PTPN4: variants seen among roughly 807,000 people sequenced by gnomAD.
The protein encoded by PTPN4 is tyrosine-protein phosphatase non-receptor type 4.
In PTPN4, 49 loss-of-function variants were observed where a neutral mutation model predicts 135.5. The ratio of observed to expected loss-of-function variants is 0.36; its 90% CI spans 0.29 to 0.46. The LOEUF is 0.46. PTPN4 is among the 20% of genes least tolerant of loss of function. The pLI, the probability that PTPN4 is intolerant of heterozygous loss-of-function variation, is 1.00. For missense variants in PTPN4, 860 were observed against 1,101.0 expected (o/e 0.78, Z 3.10); for synonymous variants, 333 against 369.9 (o/e 0.90, Z 1.14).
Position 119,885,976 on chromosome 2 carries a change from T to C in PTPN4, c.675+94T>C, listed in dbSNP as rs1678150230. 6 of 813,198 alleles carry C rather than the reference T, an allele frequency of 7.4e-6. No homozygotes were observed. The South Asian group carries it at 1.0e-4, about 14-fold the overall frequency. The allele number at this position is 813,198 out of a possible 1,614,324, so 50.4% of individuals were successfully genotyped here. The stretch of plus-strand genomic sequence containing the variant: ...ATTAGATAACAAATGGAATAAGTTA[T>C]GATTGCTGCTGACACAGCTGCACTG... On this transcript the variant is annotated intron_variant, in intron 9 of 26. Transcript: ENST00000263708.
intron 14 of PTPN4, among the ~76,000 whole-genome samples, chr2:119,933,988 C>G (rs1321942016): frequency 2.0e-5 from 3 of 152,142 alleles, no homozygotes. Context: ...CAACACTAAA[C>G]AATAATAGCA....
intron 2 of PTPN4, among the ~76,000 whole-genome samples, chr2:119,845,228 C>G (rs1246069298): frequency 2.5e-5 from 1 of 39,348 alleles, no homozygotes. Flanking sequence ...AGAGGGAGAC[C>G]GTGGGGAGAG....
At chr2:119,938,320 G>A (rs1379548956) in intron 15 of PTPN4, among the ~76,000 whole-genome samples, 2 of 151,768 alleles carry the variant, frequency 1.3e-5, no homozygotes, top group African/African-American at 4.8e-5. Flanking sequence ...GTAGAGACCA[G>A]GTTTCACCGT....
At chr2:119,960,780 T>A (rs1264223148) in intron 22 of PTPN4, 27 bp from the exon 23 acceptor site, 2 of 1,602,464 alleles carry the variant, frequency 1.2e-6, no homozygotes, top group Non-Finnish European at 1.7e-6. Context: ...TGCAAAACAT[T>A]TTATTTTCAT....
intron 3 of PTPN4, among the ~76,000 whole-genome samples, chr2:119,876,940 T>TGTGTGTGTGTGC (rs1182103102): frequency 6.7e-5 from 10 of 148,478 alleles, no homozygotes; most frequent in Non-Finnish European, 1.3e-4. Context: ...TGTGTGTGTG[T>TGTGTGTGTGTGC]GCGTGAAGGG....
At chr2:119,875,330 T>G (rs187238830) in intron 3 of PTPN4, among the ~76,000 whole-genome samples, 30 of 152,340 alleles carry the variant, frequency 2.0e-4, no homozygotes, top group Admixed American at 1.9e-3. Flanking sequence ...ATCTTTGTAC[T>G]TCTAAGCTAT....
intron 2 of PTPN4, among the ~76,000 whole-genome samples, chr2:119,833,441 A>C (rs1677247747): frequency 6.6e-6 from 1 of 152,132 alleles, no homozygotes; most frequent in Non-Finnish European, 1.5e-5. Context: ...GATAGAGCAA[A>C]TCCTTTTGTA....
intron 15 of PTPN4, among the ~76,000 whole-genome samples, chr2:119,943,572 ATTTTTTTCTTTTT>A (rs1679089331): frequency 1.0e-5 from 1 of 96,960 alleles, no homozygotes; most frequent in South Asian, 3.2e-4. Context: ...AAGCTGTTTC[ATTTTTTTCTTTTT>A]TTTTTTTTTT....
chr2:119,830,354 C>CT (rs1371166926), intron 2 of PTPN4, among the ~76,000 whole-genome samples: 1 of 152,064 alleles, frequency 6.6e-6, no homozygotes, highest in Non-Finnish European at 1.5e-5. Flanking sequence ...GAGGTGGGGC[C>CT]TGGTGGGAGG....
Position 119,877,560 on chromosome 2 carries a change from T to C in PTPN4, c.368+18T>C. The C allele has an allele frequency of 6.4e-7, 1 of 1,563,680 alleles. No homozygotes were observed. The highest frequency in any genetic ancestry group is 8.6e-7 in the Non-Finnish European group (1 of 1,162,326). Reference sequence around the variant, plus strand: ...TATACAAGGTGGGTTTATGGATATATTTTTCTTGAAAATATTGTCAAAACT... The same window carrying C: ...TATACAAGGTGGGTTTATGGATATACTTTTCTTGAAAATATTGTCAAAACT... On this transcript the variant is annotated intron_variant, in intron 5 of 26. Coordinates refer to ENST00000263708, the MANE Select transcript of PTPN4 (RefSeq NM_002830.4).
At chr2:119,859,064 T>G (rs1420517658) in intron 2 of PTPN4, among the ~76,000 whole-genome samples, 1 of 152,214 alleles carries the variant, frequency 6.6e-6, no homozygotes. Context: ...ATTGTATTTT[T>G]CAGTTATATA....
rs1574432410 is a variant in PTPN4 at position 119,983,173 on chromosome 2, C to G, written c.*6103C>G. Reference sequence around the variant, plus strand: ...GTTGAAAGGATTGGTGTCAGGCTCTCTCAACCCTGGGAGTTTCCAAAATTT... The same window carrying G: ...GTTGAAAGGATTGGTGTCAGGCTCTGTCAACCCTGGGAGTTTCCAAAATTT... On this transcript the variant is annotated 3_prime_UTR_variant, in exon 27 of 27. Coordinates refer to ENST00000263708, the MANE Select transcript of PTPN4 (RefSeq NM_002830.4). The G allele has an allele frequency of 6.6e-6, 1 of 152,188 alleles. No individual in the cohort carries two copies. Among genetic ancestry groups the G allele is most frequent in the Admixed American group, 6.5e-5 (1 of 15,280 alleles). 9.4% of individuals were successfully genotyped at this position (152,188 alleles called of 1,614,324 possible).
At chr2:119,955,997 A>C (rs1360735147) in intron 20 of PTPN4, among the ~76,000 whole-genome samples, 3 of 151,670 alleles carry the variant, frequency 2.0e-5, no homozygotes, top group Non-Finnish European at 4.4e-5. Flanking sequence ...ATCCTGAGCT[A>C]AAGGAAAATA....
At chr2:119,941,720 A>T (rs185829863) in intron 15 of PTPN4, among the ~76,000 whole-genome samples, 1 of 152,276 alleles carries the variant, frequency 6.6e-6, no homozygotes, top group Admixed American at 6.5e-5. Context: ...TCTATACTTC[A>T]TTCTCCTCAC....
At chr2:119,813,799 G>A (rs190505793) in intron 2 of PTPN4, among the ~76,000 whole-genome samples, 98 of 152,054 alleles carry the variant, frequency 6.4e-4, no homozygotes, top group African/African-American at 2.2e-3. Context: ...ATCCTGTGGA[G>A]GTGTCCATTT....
chr2:119,790,378 G>A (rs1423473012), intron 1 of PTPN4, among the ~76,000 whole-genome samples: 3 of 151,678 alleles, frequency 2.0e-5, no homozygotes, highest in Non-Finnish European at 4.4e-5. Flanking sequence ...ATTTTGGGAC[G>A]TTGTTTTTAG....
intron 3 of PTPN4, among the ~76,000 whole-genome samples, chr2:119,876,940 T>TGTGTGCGC (rs1182103102): frequency 6.7e-6 from 1 of 148,480 alleles, no homozygotes; most frequent in African/African-American, 2.5e-5. Context: ...TGTGTGTGTG[T>TGTGTGCGC]GCGTGAAGGG....
chr2:119,841,796 G>T (rs1677385628), intron 2 of PTPN4, among the ~76,000 whole-genome samples: 1 of 152,130 alleles, frequency 6.6e-6, no homozygotes, highest in Non-Finnish European at 1.5e-5. Context: ...GATTAGCACA[G>T]TAAATGGTGG....
intron 2 of PTPN4, among the ~76,000 whole-genome samples, chr2:119,859,602 G>A (rs1454511663): frequency 6.6e-6 from 1 of 152,182 alleles, no homozygotes; most frequent in Non-Finnish European, 1.5e-5. Context: ...TGGAAGTCCA[G>A]GCTTCCTCTT....
Sources: gnomAD v4.1 joint callset for allele counts (sites outside exome capture counted in the v4.1 genomes callset) on GRCh38, gnomAD v4.1.1 for gene constraint, MANE v1.5 for transcripts, NCBI Gene and HGNC (gene_info 2026-07-23, HGNC 2026-07-21) for gene names.